The following RPL38 variants were observed in gnomAD, a reference collection of about 807,000 sequenced individuals.
RPL38 encodes ribosomal protein L38.
Under a neutral mutation model 12.8 loss-of-function variants are expected in RPL38, and 2 were observed. The ratio of observed to expected loss-of-function variants is 0.16; its 90% CI spans 0.06 to 0.49. The LOEUF is 0.49. Ranked by LOEUF, RPL38 falls within the 20% of genes least tolerant of loss-of-function variation. RPL38 has a pLI of 0.96. For missense variants in RPL38, 52 were observed against 79.8 expected, an observed-to-expected ratio of 0.65 and a Z score of 1.33; for synonymous variants, 42 against 30.1, an observed-to-expected ratio of 1.39 and a Z score of -1.29.
Position 74,203,724 on chromosome 17 carries a change from G to C in RPL38, c.-60G>C, listed in dbSNP as rs569197517. On this transcript the variant is annotated 5_prime_UTR_variant, in exon 1 of 5. Transcript: ENST00000311111. ...TTGCTGCTTGCTGTGAGTGTCTCTAGGGTGATACGTGGGTGAGAAAGGTAA... is the reference window on the plus strand; with the variant it reads ...TTGCTGCTTGCTGTGAGTGTCTCTACGGTGATACGTGGGTGAGAAAGGTAA... 6.0e-5 allele frequency: 36 copies of C among 599,550 alleles called. No homozygotes were observed. Among genetic ancestry groups the C allele is most frequent in the Non-Finnish European group, 1.0e-4 (34 of 335,202 alleles). The allele number at this position is 599,550 out of a possible 1,614,324, so 37.1% of individuals were successfully genotyped here. A position where few individuals can be genotyped will look rare whatever the true frequency, so the allele number is the denominator to read the frequency against.
chr17:74,206,195 G>A (rs1356123973), intron 3 of RPL38: 1 of 152,168 alleles, frequency 6.6e-6, no homozygotes, highest in Admixed American at 6.6e-5. Context: ...ACTGGGTATG[G>A]TGGTTCCCAT....
chr17:74,208,805 C>T (rs2050138730), intron 3 of RPL38, among the ~76,000 whole-genome samples: 1 of 152,046 alleles, frequency 6.6e-6, no homozygotes, highest in Admixed American at 6.6e-5. Flanking sequence ...TGTGGTGGTG[C>T]ACGCCTGTAA....
chr17:74,206,996 G>A (rs769031573), intron 3 of RPL38, among the ~76,000 whole-genome samples: 15 of 151,216 alleles, frequency 9.9e-5, no homozygotes, highest in Admixed American at 1.3e-4. Flanking sequence ...GATTACAGGC[G>A]TGAGCCACTG....
chr17:74,207,971 G>T (rs1207268064), intron 3 of RPL38, among the ~76,000 whole-genome samples: 2 of 152,214 alleles, frequency 1.3e-5, no homozygotes, highest in Non-Finnish European at 2.9e-5. Context: ...GGCAGGCTCT[G>T]AGTCACAGTG....
rs58720199 is a variant in RPL38, at chr17:74,209,978, C to CTTTTTTTTTTT, written c.*158_*168dup. ...GGGTTCTGTTGCTGCCTTCCTGTGT[C>CTTTTTTTTTTT]TTTTTTTTTTTTTTTTTTTCTTTCT... On this transcript the variant is annotated 3_prime_UTR_variant, in exon 5 of 5. Coordinates refer to ENST00000311111, the MANE Select transcript of RPL38 (RefSeq NM_000999.4). 3 of 340,582 alleles carry CTTTTTTTTTTT rather than the reference C, an allele frequency of 8.8e-6. No homozygotes were observed. Among genetic ancestry groups the CTTTTTTTTTTT allele is most frequent in the East Asian group, 6.0e-5 (1 of 16,584 alleles). 21.1% of individuals were successfully genotyped at this position (340,582 alleles called of 1,614,324 possible).
chr17:74,208,564 G>A (rs1292210743), intron 3 of RPL38, among the ~76,000 whole-genome samples: 3 of 152,156 alleles, frequency 2.0e-5, no homozygotes, highest in African/African-American at 4.8e-5. Flanking sequence ...CCTGATTTCC[G>A]GGAGTGGAGT....
rs537955131 is a variant in RPL38, at chr17:74,203,891, G to C, written c.-38-27G>C. On this transcript the variant is annotated intron_variant, in intron 1 of 4. Coordinates refer to ENST00000311111, the MANE Select transcript of RPL38 (RefSeq NM_000999.4). ...GGTTCGCTGCCAGCCCCCGCGCCGT[G>C]TTAACGCCGAGGACTGTTTCCCGCA... 660 of 1,556,892 alleles carry C rather than the reference G, an allele frequency of 4.2e-4. 1 individual carries two copies. Among genetic ancestry groups the C allele is most frequent in the Non-Finnish European group, 5.0e-4 (578 of 1,150,188 alleles).
intron 3 of RPL38, 148 bp from the exon 4 acceptor site, chr17:74,209,039 A>G (rs2143693836): frequency 1.3e-6 from 1 of 769,866 alleles, no homozygotes; most frequent in Non-Finnish European, 2.2e-6. Context: ...GGAACGGGTA[A>G]TAGTGTTTTC....
intron 3 of RPL38, among the ~76,000 whole-genome samples, chr17:74,208,241 T>C (rs2050132757): frequency 6.6e-6 from 1 of 152,138 alleles, no homozygotes; most frequent in Non-Finnish European, 1.5e-5. Context: ...AGGCATTCAG[T>C]GAATACATGG....
chr17:74,208,396 C>T (rs937764323), intron 3 of RPL38, among the ~76,000 whole-genome samples: 8 of 152,162 alleles, frequency 5.3e-5, no homozygotes, highest in African/African-American at 1.2e-4. Context: ...CTTGTCTGAG[C>T]CATGATCCTG....
At chr17:74,206,288 G>C (rs1485854741) in intron 3 of RPL38, 4 of 151,828 alleles carry the variant, frequency 2.6e-5, no homozygotes. Flanking sequence ...CTCTATAAAA[G>C]AAAAAAGTTA....
chr17:74,205,866 A>C (rs2050108894), intron 3 of RPL38: 1 of 152,152 alleles, frequency 6.6e-6, no homozygotes, highest in Non-Finnish European at 1.5e-5. Flanking sequence ...CTAAAAATAA[A>C]AAAATTAGCC....
intron 3 of RPL38, among the ~76,000 whole-genome samples, 185 bp from the exon 4 acceptor site, chr17:74,209,002 T>C (rs1466418113): frequency 6.6e-6 from 1 of 152,144 alleles, no homozygotes; most frequent in Non-Finnish European, 1.5e-5. Flanking sequence ...TTGTGTTCAG[T>C]GTACCCAATA....
chr17:74,208,487 G>A (rs896773269), intron 3 of RPL38, among the ~76,000 whole-genome samples: 1 of 152,182 alleles, frequency 6.6e-6, no homozygotes, highest in Admixed American at 6.6e-5. Flanking sequence ...CGTGTTGTGC[G>A]CAGTGGCTGG....
intron 3 of RPL38, 89 bp downstream of exon 3, chr17:74,204,279 C>G: frequency 8.4e-7 from 1 of 1,190,918 alleles, no homozygotes; most frequent in South Asian, 1.2e-5. Context: ...AGGCAGGAGA[C>G]GGTTAGGCCG....
chr17:74,205,317 A>G (rs2050102901), intron 3 of RPL38: 1 of 152,144 alleles, frequency 6.6e-6, no homozygotes, highest in South Asian at 2.1e-4. Flanking sequence ...TTTTCAGCTG[A>G]CTGAGAATCA....
intron 3 of RPL38, 70 bp from the exon 4 acceptor site, chr17:74,209,117 A>G: frequency 6.4e-7 from 1 of 1,555,992 alleles, no homozygotes; most frequent in Non-Finnish European, 8.8e-7. Flanking sequence ...GCTTGAGTGT[A>G]TTTGCACATG....
chr17:74,205,367 T>G (rs1205128209), intron 3 of RPL38: 2 of 152,164 alleles, frequency 1.3e-5, no homozygotes, highest in African/African-American at 2.4e-5. Context: ...ACAGGCCTGT[T>G]AAGGTGGGCT....
rs1012455246 is a variant in RPL38, at chr17:74,209,464, G to T, written c.187+155G>T. The T allele has an allele frequency of 2.1e-5, 17 of 816,418 alleles. No individual in the cohort carries two copies. In the African/African-American group the frequency reaches 2.4e-4, roughly 12 times the overall value. The allele number at this position is 816,418 out of a possible 1,614,324, so 50.6% of individuals were successfully genotyped here. ...GCTGTTGGGAGTGTGAGGAATAGTT[G>T]TGATTCTCAGATTATATACAGTACC... On this transcript the variant is annotated intron_variant, in intron 4 of 4. Transcript: ENST00000311111.
Sources: allele counts gnomAD v4.1 joint callset (sites outside exome capture counted in the v4.1 genomes callset), GRCh38; gene constraint gnomAD v4.1.1; transcripts MANE v1.5; gene names NCBI Gene and HGNC (gene_info 2026-07-23, HGNC 2026-07-21).